ALMS1: variants seen among roughly 807,000 people sequenced by gnomAD.
ALMS1 encodes the protein ALMS1 centrosome and basal body associated protein, also known as centrosome-associated protein ALMS1.
In ALMS1, 271 loss-of-function variants were observed where a neutral mutation model predicts 352.2. The ratio of observed to expected loss-of-function variants is 0.77; its 90% confidence interval spans 0.70 to 0.85. ALMS1 has a LOEUF of 0.85. Ranked by LOEUF, ALMS1 falls within the 40% of genes least tolerant of loss-of-function variation. ALMS1 has a pLI of 0.00. For synonymous variants in ALMS1, 1,865 were observed against 1,761.2 expected (o/e 1.06, Z -1.48); for missense variants, 5,445 against 4,870.7 (o/e 1.12, Z -3.51).
At chr2:73,550,241 T>G (rs202004241) in intron 12 of ALMS1, 26 bp from the exon 13 acceptor site, 55 of 1,613,334 alleles carry the variant, frequency 3.4e-5, no homozygotes, top group Admixed American at 5.0e-5. Context: ...ATTTGTGTTT[T>G]GTATTACTTC....
intron 5 of ALMS1, among the ~76,000 whole-genome samples, chr2:73,425,683 A>G (rs1056974741): frequency 6.6e-6 from 1 of 152,202 alleles, no homozygotes; most frequent in African/African-American, 2.4e-5. Flanking sequence ...GACAGCCGAG[A>G]GAGAGCCAAA....
intron 16 of ALMS1, among the ~76,000 whole-genome samples, chr2:73,577,124 T>A (rs1335442385): frequency 6.6e-6 from 1 of 152,170 alleles, no homozygotes; most frequent in Non-Finnish European, 1.5e-5. Flanking sequence ...TTGTGATATC[T>A]TTACTGCCTT....
At chr2:73,512,804 A>G (rs1251120104) in intron 10 of ALMS1, among the ~76,000 whole-genome samples, 3 of 152,140 alleles carry the variant, frequency 2.0e-5, no homozygotes, top group Non-Finnish European at 2.9e-5. Flanking sequence ...CTGGCACAAG[A>G]TATTTCAGGC....
chr2:73,585,726 CTT>C (rs58089734), intron 16 of ALMS1, among the ~76,000 whole-genome samples: 5 of 119,514 alleles, frequency 4.2e-5, no homozygotes, highest in Non-Finnish European at 4.9e-5. Flanking sequence ...ACTTCTTGGC[CTT>C]TTTTTTTTTT....
At chr2:73,511,784 A>G (rs1229037099) in intron 10 of ALMS1, among the ~76,000 whole-genome samples, 4 of 152,204 alleles carry the variant, frequency 2.6e-5, no homozygotes, top group Admixed American at 6.5e-5. Flanking sequence ...ACTGGTGTCT[A>G]GTAAATAAAA....
At chr2:73,561,983 GAAAAA>G (rs544098692) in intron 15 of ALMS1, among the ~76,000 whole-genome samples, 1 of 149,156 alleles carries the variant, frequency 6.7e-6, no homozygotes, top group Non-Finnish European at 1.5e-5. Flanking sequence ...AAAATGAAAT[GAAAAA>G]AAAGTACCAA....
At chr2:73,556,522 A>C (rs1216225076) in intron 13 of ALMS1, among the ~76,000 whole-genome samples, 3 of 152,136 alleles carry the variant, frequency 2.0e-5, no homozygotes, top group Admixed American at 2.0e-4. Flanking sequence ...TTCTTGGATT[A>C]TATGAAATAT....
chr2:73,432,577 A>G (rs1029491722), intron 7 of ALMS1, among the ~76,000 whole-genome samples: 3 of 152,106 alleles, frequency 2.0e-5, no homozygotes, highest in Admixed American at 2.0e-4. Context: ...CCTGTTTGTC[A>G]TAGATGACAT....
At chr2:73,494,655 A>G (rs1374929530) in intron 10 of ALMS1, among the ~76,000 whole-genome samples, 1 of 152,178 alleles carries the variant, frequency 6.6e-6, no homozygotes, top group Non-Finnish European at 1.5e-5. Context: ...TCAATTTAGC[A>G]TTGTTTGATG....
At chr2:73,475,545 T>C (rs1052127557) in intron 9 of ALMS1, among the ~76,000 whole-genome samples, 9 of 152,154 alleles carry the variant, frequency 5.9e-5, no homozygotes, top group South Asian at 2.1e-4. Flanking sequence ...TCAAATTCTT[T>C]ACCCATTTAT....
intron 1 of ALMS1, among the ~76,000 whole-genome samples, chr2:73,400,677 T>A (rs1401828818): frequency 6.6e-6 from 1 of 152,244 alleles, no homozygotes; most frequent in African/African-American, 2.4e-5. Flanking sequence ...TTATCTTTTT[T>A]AAGAAATCGT....
At chr2:73,594,194 A>G (rs1026187209) in intron 16 of ALMS1, among the ~76,000 whole-genome samples, 3 of 152,216 alleles carry the variant, frequency 2.0e-5, no homozygotes, top group Admixed American at 2.0e-4. Context: ...CACCAGCAGT[A>G]TGTGAGGGTT....
intron 4 of ALMS1, among the ~76,000 whole-genome samples, 188 bp from the exon 5 acceptor site, chr2:73,424,242 G>C (rs1335665996): frequency 1.3e-5 from 2 of 152,160 alleles, no homozygotes; most frequent in Non-Finnish European, 2.9e-5. Context: ...TCACCTTTTA[G>C]TTAAAAAGAA....
chr2:73,453,858 T>C lies in ALMS1; in HGVS notation c.7331T>C (p.Leu2444Pro). 3 of 1,614,160 alleles carry C rather than the reference T, an allele frequency of 1.9e-6. No homozygotes were observed. The highest frequency in any genetic ancestry group is 2.5e-6 in the Non-Finnish European group (3 of 1,180,004). The change falls in exon 8 of 23, where the codon CTA (leucine) becomes CCA (proline). Residue 2444 changes from leucine to proline, a missense_variant. By Grantham distance (98) the Leu-to-Pro change is moderately conservative. Coordinates refer to ENST00000613296, the MANE Select transcript of ALMS1 (RefSeq NM_001378454.1). Reference sequence around the variant, plus strand: ...TTGGAATCAGTTTCTGATGTTCTTCTAAACTTCTTTCCATATGTTTCACCC... The same window carrying C: ...TTGGAATCAGTTTCTGATGTTCTTCCAAACTTCTTTCCATATGTTTCACCC... ...ESLESVSDVL[L>P]NFFPYVSPKT...
At chr2:73,532,055 A>G (rs532172291) in intron 11 of ALMS1, among the ~76,000 whole-genome samples, 1 of 152,384 alleles carries the variant, frequency 6.6e-6, no homozygotes, top group East Asian at 1.9e-4. Context: ...TCTCTGGATT[A>G]CCAGGTAGAG....
rs573288644 is a variant in ALMS1, at chr2:73,527,987, T to C, written c.9782-6837T>C. On this transcript the variant is annotated intron_variant, in intron 11 of 22. Coordinates refer to ENST00000613296, the MANE Select transcript of ALMS1 (RefSeq NM_001378454.1). ...GTCTCAAGAAATTTGTAAATTTCTT[T>C]CTTGATTTCTTCCTTGACCCACTGG... Among the ~76,000 whole-genome samples, 3 of 152,306 alleles carry C rather than the reference T, an allele frequency of 2.0e-5. No individual in the cohort carries two copies. The South Asian group carries it at 6.2e-4, about 32-fold the overall frequency.
At chr2:73,438,219 A>G (rs1671644426) in intron 7 of ALMS1, among the ~76,000 whole-genome samples, 1 of 152,190 alleles carries the variant, frequency 6.6e-6, no homozygotes, top group East Asian at 1.9e-4. Flanking sequence ...TGTTTGATTC[A>G]TATTGTATTG....
chr2:73,512,459 G>A lies in ALMS1; in HGVS notation c.9540-7316G>A, dbSNP rs369231381. 5.3e-5 allele frequency among the ~76,000 whole-genome samples: 8 copies of A among 151,094 alleles called. No individual in the cohort carries two copies. The East Asian group carries it at 5.8e-4, about 11-fold the overall frequency. ...GGTTATCTCATTATTGCTTTAATTT[G>A]CATTTCTCTACTACTGACAATGAAC... On this transcript the variant is annotated intron_variant, in intron 10 of 22. Coordinates refer to ENST00000613296, the MANE Select transcript of ALMS1 (RefSeq NM_001378454.1).
At chr2:73,557,032 G>A (rs1333605658) in intron 13 of ALMS1, among the ~76,000 whole-genome samples, 188 bp from the exon 14 acceptor site, 3 of 152,114 alleles carry the variant, frequency 2.0e-5, no homozygotes, top group African/African-American at 7.2e-5. Context: ...AACTGTTGTT[G>A]TACACAGTAA....
Sources: allele counts gnomAD v4.1 joint callset (sites outside exome capture counted in the v4.1 genomes callset), GRCh38; gene constraint gnomAD v4.1.1; transcripts MANE v1.5; gene names NCBI Gene and HGNC (gene_info 2026-07-23, HGNC 2026-07-21).